Variants in UBTD1 observed in about 807,000 individuals in gnomAD.
UBTD1 encodes ubiquitin domain-containing protein 1.
In UBTD1, 19 loss-of-function variants were observed where a neutral mutation model predicts 21.7. The observed-to-expected ratio is 0.87, with a 90% confidence interval of 0.61 to 1.28. The LOEUF (loss-of-function observed/expected upper bound fraction) is 1.28. Ranked by LOEUF, UBTD1 falls within the 50% of genes most tolerant of loss-of-function variation. UBTD1 has a pLI of 0.00. For synonymous variants in UBTD1, 116 were observed against 135.1 expected (o/e 0.86, Z 0.98); for missense variants, 282 against 315.1 (o/e 0.89, Z 0.80).
chr10:97,539,322 A>G (rs559945676), intron 1 of UBTD1, among the ~76,000 whole-genome samples: 363 of 152,292 alleles, frequency 2.4e-3, no homozygotes, highest in Middle Eastern at 0.024. Flanking sequence ...GGCTGGGAGC[A>G]GTGGCTCACA....
At position 97,539,236 on chromosome 10, in the gene UBTD1, C is replaced by T. The variant is rs184454891; in HGVS notation, c.71-28678C>T. On this transcript the variant is annotated intron_variant, in intron 1 of 2. Coordinates refer to ENST00000370664, the MANE Select transcript of UBTD1 (RefSeq NM_024954.5). ...ATGGGCAGGGGAACAACAACCCCAA[C>T]CCTGAACAGCTCCACTTTACCGGCC... Among the ~76,000 whole-genome samples, 755 of 152,300 alleles carry T rather than the reference C, an allele frequency of 5.0e-3. 4 individuals are homozygous for T. The highest frequency in any genetic ancestry group is 0.031 in the Middle Eastern group (9 of 294).
At chr10:97,554,519 T>A (rs1367328015) in intron 1 of UBTD1, among the ~76,000 whole-genome samples, 1 of 152,050 alleles carries the variant, frequency 6.6e-6, no homozygotes, top group Non-Finnish European at 1.5e-5. Context: ...AGTTCTGGGA[T>A]TACCTGCGTG....
At chr10:97,526,942 C>A (rs980365878) in intron 1 of UBTD1, among the ~76,000 whole-genome samples, 1 of 151,260 alleles carries the variant, frequency 6.6e-6, no homozygotes, top group Non-Finnish European at 1.5e-5. Flanking sequence ...GAGGCTGAGA[C>A]GGGTGGATTA....
chr10:97,540,765 G>A (rs57577159), intron 1 of UBTD1, among the ~76,000 whole-genome samples: 1 of 152,180 alleles, frequency 6.6e-6, no homozygotes, highest in South Asian at 2.1e-4. Flanking sequence ...TGGGTATCTA[G>A]ACGTCAGCAT....
intron 1 of UBTD1, among the ~76,000 whole-genome samples, chr10:97,561,463 G>A (rs1426332232): frequency 1.3e-5 from 2 of 152,040 alleles, no homozygotes; most frequent in African/African-American, 2.4e-5. Flanking sequence ...CCCTTTTAAG[G>A]GCTCACAACA....
intron 1 of UBTD1, among the ~76,000 whole-genome samples, chr10:97,510,320 A>C (rs2040418519): frequency 6.6e-6 from 1 of 152,200 alleles, no homozygotes; most frequent in Non-Finnish European, 1.5e-5. Flanking sequence ...CATCTATAAG[A>C]TAGTTTTCCT....
intron 1 of UBTD1, among the ~76,000 whole-genome samples, chr10:97,526,951 T>A (rs914918551): frequency 6.6e-6 from 1 of 150,734 alleles, no homozygotes; most frequent in Non-Finnish European, 1.5e-5. Flanking sequence ...ACGGGTGGAT[T>A]ACCTGAGCTC....
chr10:97,564,651 C>G (rs1460239585), intron 1 of UBTD1, among the ~76,000 whole-genome samples: 2 of 152,288 alleles, frequency 1.3e-5, no homozygotes, highest in Non-Finnish European at 2.9e-5. Flanking sequence ...GCAACCTCAG[C>G]CTCCCAAGTT....
intron 1 of UBTD1, among the ~76,000 whole-genome samples, chr10:97,526,731 G>T (rs1461166138): frequency 2.0e-5 from 3 of 151,754 alleles, no homozygotes; most frequent in African/African-American, 7.3e-5. Context: ...TGCACCGGTA[G>T]TCCCAGCTAC....
intron 1 of UBTD1, among the ~76,000 whole-genome samples, chr10:97,525,205 C>T (rs2135665806): frequency 6.6e-6 from 1 of 152,318 alleles, no homozygotes; most frequent in East Asian, 1.9e-4. Flanking sequence ...GCAATTTCTG[C>T]CTTTTAGCAA....
At chr10:97,528,240 T>G (rs1292920175) in intron 1 of UBTD1, among the ~76,000 whole-genome samples, 2 of 98,768 alleles carry the variant, frequency 2.0e-5, no homozygotes, top group East Asian at 7.6e-4. Context: ...CACTTCCCAG[T>G]AGGGGCGGCC....
At chr10:97,554,328 A>G (rs1589881718) in intron 1 of UBTD1, among the ~76,000 whole-genome samples, 1 of 139,020 alleles carries the variant, frequency 7.2e-6, no homozygotes, top group Admixed American at 7.6e-5. Flanking sequence ...GCTCACTGCT[A>G]CCTCCGTCTC....
At chr10:97,552,177 C>T (rs1296455231) in intron 1 of UBTD1, among the ~76,000 whole-genome samples, 1 of 150,590 alleles carries the variant, frequency 6.6e-6, no homozygotes, top group African/African-American at 2.5e-5. Context: ...CCAGCCTGGG[C>T]AACATGGCGA....
At chr10:97,522,272 T>A (rs1351772523) in intron 1 of UBTD1, among the ~76,000 whole-genome samples, 2 of 152,244 alleles carry the variant, frequency 1.3e-5, no homozygotes, top group Non-Finnish European at 2.9e-5. Context: ...CGAGGCTAGC[T>A]TTTGAACGCA....
chr10:97,545,387 C>CGTGTGG lies in UBTD1; in HGVS notation c.71-22522_71-22521insGGTGTG, dbSNP rs141608116. 1.7e-3 allele frequency among the ~76,000 whole-genome samples: 200 copies of CGTGTGG among 120,514 alleles called. 2 individuals are homozygous for CGTGTGG. Among genetic ancestry groups the CGTGTGG allele is most frequent in the Middle Eastern group, 4.2e-3 (1 of 238 alleles). 79.1% of individuals were successfully genotyped at this position (120,514 alleles called of 152,430 possible). A position where few individuals can be genotyped will look rare whatever the true frequency, so the allele number is the denominator to read the frequency against. ...TCTATTCTCTGGTAAGTATGGGGCT[C>CGTGTGG]GTGTGTGTGTGTGTGTGTGTGTGGG... On this transcript the variant is annotated intron_variant, in intron 1 of 2. Transcript: ENST00000370664.
At chr10:97,512,098 A>T (rs574919566) in intron 1 of UBTD1, among the ~76,000 whole-genome samples, 1 of 152,216 alleles carries the variant, frequency 6.6e-6, no homozygotes, top group Non-Finnish European at 1.5e-5. Context: ...GAGTCAGTTC[A>T]TCTCCTCAAG....
At chr10:97,534,809 A>G (rs2040552210) in intron 1 of UBTD1, among the ~76,000 whole-genome samples, 2 of 152,168 alleles carry the variant, frequency 1.3e-5, no homozygotes, top group Admixed American at 1.3e-4. Flanking sequence ...ACAGCCTCCA[A>G]GGGCCACCAT....
intron 1 of UBTD1, among the ~76,000 whole-genome samples, chr10:97,558,640 ATT>A (rs75506822): frequency 5.6e-5 from 8 of 143,726 alleles, no homozygotes; most frequent in Admixed American, 7.0e-5. Flanking sequence ...GCCGACATGA[ATT>A]TTTTTTTTTT....
chr10:97,535,904 C>CA (rs2135672266), intron 1 of UBTD1, among the ~76,000 whole-genome samples: 1 of 151,572 alleles, frequency 6.6e-6, no homozygotes, highest in East Asian at 1.9e-4. Context: ...GGTGACACAG[C>CA]AAGATCTTGT....
Sources: allele counts gnomAD v4.1 joint callset (sites outside exome capture counted in the v4.1 genomes callset), GRCh38; gene constraint gnomAD v4.1.1; transcripts MANE v1.5; gene names NCBI Gene and HGNC (gene_info 2026-07-23, HGNC 2026-07-21).